Variants in TLK1 observed in about 807,000 individuals in gnomAD.
TLK1 encodes the protein serine/threonine-protein kinase tousled-like 1.
TLK1 carries 24 observed loss-of-function variants against 105.3 expected under a neutral mutation model. The observed-to-expected ratio is 0.23, with a 90% CI of 0.17 to 0.32. The LOEUF is 0.32. Among genes scored for constraint, TLK1 ranks in the 10% least tolerant of loss-of-function variants. TLK1 has a pLI of 1.00. For missense variants in TLK1, 558 were observed against 910.5 expected, an observed-to-expected ratio of 0.61 and a Z score of 4.98; for synonymous variants, 321 against 310.4, an observed-to-expected ratio of 1.03 and a Z score of -0.36.
At chr2:171,143,092 T>C (rs917040825) in intron 1 of TLK1, among the ~76,000 whole-genome samples, 3 of 151,896 alleles carry the variant, frequency 2.0e-5, no homozygotes, top group African/African-American at 4.8e-5. Context: ...AATGAATGAC[T>C]GAATGAAGGA....
chr2:171,200,735 G>C (rs1693382803), intron 1 of TLK1, among the ~76,000 whole-genome samples: 1 of 152,104 alleles, frequency 6.6e-6, no homozygotes, highest in Non-Finnish European at 1.5e-5. Flanking sequence ...TTATTTGGGA[G>C]ATTCATATCA....
At chr2:171,011,213 T>C (rs1684900829) in intron 14 of TLK1, among the ~76,000 whole-genome samples, 160 bp downstream of exon 14, 2 of 151,882 alleles carry the variant, frequency 1.3e-5, no homozygotes, top group African/African-American at 4.8e-5. Flanking sequence ...GTTGCCCAGG[T>C]TGGTCTCAAA....
At position 171,006,282 on chromosome 2, in the gene TLK1, C is replaced by A; in HGVS notation, c.1769G>T (p.Gly590Val). 1 of 1,584,016 alleles carries A rather than the reference C, an allele frequency of 6.3e-7. No homozygotes were observed. Among genetic ancestry groups the A allele is most frequent in the Non-Finnish European group, 8.5e-7 (1 of 1,170,782 alleles). ...TGTTCCATCTACCAGTAGGATGTTT[C>A]CTAAGAATAAAATATAAGATTCTTT... ...PPIIHYDLKP[G>V]NILLVDGTAC... is the part of the protein sequence containing the mutation. Residue 590 changes from glycine (G) to valine (V), a missense_variant and splice_region_variant, in exon 18 of 21, where the codon GGA becomes GTA. By Grantham distance (109) the Gly-to-Val change is moderately radical. This residue lies in a region of TLK1 where 218 missense variants were observed against 492.9 expected (regional missense o/e 0.44). Coordinates refer to ENST00000431350, the MANE Select transcript of TLK1 (RefSeq NM_012290.5).
intron 1 of TLK1, among the ~76,000 whole-genome samples, chr2:171,149,190 G>C (rs1254851465): frequency 7.1e-6 from 1 of 140,970 alleles, no homozygotes; most frequent in East Asian, 2.0e-4. Context: ...GGACAACAGA[G>C]CAAGACCCTG....
At chr2:171,106,694 T>C (rs994022356) in intron 2 of TLK1, among the ~76,000 whole-genome samples, 8 of 152,010 alleles carry the variant, frequency 5.3e-5, no homozygotes, top group African/African-American at 1.9e-4. Flanking sequence ...TACTTCCAAA[T>C]TACAAACTCT....
chr2:171,227,940 C>G (rs1261612386), intron 1 of TLK1, among the ~76,000 whole-genome samples: 2 of 152,178 alleles, frequency 1.3e-5, no homozygotes, highest in African/African-American at 2.4e-5. Flanking sequence ...CTTTGGAAAG[C>G]TGAGGCAGGT....
At chr2:171,043,453 C>G (rs77494527) in intron 11 of TLK1, among the ~76,000 whole-genome samples, 1 of 152,126 alleles carries the variant, frequency 6.6e-6, no homozygotes, top group African/African-American at 2.4e-5. Context: ...TGGGTTAGAT[C>G]ATTCAAGTAC....
upstream of TLK1, among the ~76,000 whole-genome samples, chr2:171,164,466 C>T (rs556730718): frequency 5.3e-5 from 8 of 151,976 alleles, no homozygotes; most frequent in South Asian, 6.2e-4. Context: ...CTAGCCTGGG[C>T]GACATGATGA....
At chr2:171,187,726 C>T (rs945810440) in intron 1 of TLK1, among the ~76,000 whole-genome samples, 1 of 152,136 alleles carries the variant, frequency 6.6e-6, no homozygotes, top group Admixed American at 6.5e-5. Context: ...TGTCTGCCTG[C>T]GTCTGCTAGA....
intron 12 of TLK1, among the ~76,000 whole-genome samples, chr2:171,019,091 A>G (rs1178699346): frequency 6.6e-6 from 1 of 152,024 alleles, no homozygotes; most frequent in East Asian, 1.9e-4. Flanking sequence ...AACTTGCAAA[A>G]AACACCACCT....
chr2:171,159,554 C>T (rs1692368703), intron 1 of TLK1: 1 of 152,232 alleles, frequency 6.6e-6, no homozygotes. Flanking sequence ...TCCCACAAAA[C>T]CCACGACCCT....
At chr2:171,010,445 C>A (rs1029273632) in intron 14 of TLK1, among the ~76,000 whole-genome samples, 12 of 152,192 alleles carry the variant, frequency 7.9e-5, no homozygotes, top group African/African-American at 2.6e-4. Flanking sequence ...TACAAACATA[C>A]TTTGAGGTAT....
intron 1 of TLK1, among the ~76,000 whole-genome samples, chr2:171,157,611 A>T (rs562667675): frequency 2.0e-5 from 3 of 152,354 alleles, no homozygotes; most frequent in Admixed American, 6.5e-5. Context: ...TGTGAATATG[A>T]TAATGGTAAT....
Position 171,081,642 on chromosome 2 carries a change from C to G in TLK1, c.330+1139G>C, listed in dbSNP as rs554962715. The G allele has an allele frequency of 5.4e-4, 708 of 1,303,764 alleles. 1 individual carries two copies. Among genetic ancestry groups the G allele is most frequent in the Non-Finnish European group, 6.6e-4 (655 of 988,786 alleles). 80.8% of individuals were successfully genotyped at this position (1,303,764 alleles called of 1,614,324 possible). The stretch of plus-strand genomic sequence containing the variant: ...CTACAGGGGCTACTAACGCTTACCT[C>G]AAGGGAACCTACTGCAGATAAAGTC... On this transcript the variant is annotated intron_variant, in intron 3 of 20. Coordinates refer to ENST00000431350, the MANE Select transcript of TLK1 (RefSeq NM_012290.5).
At chr2:171,224,232 C>G (rs1453765172) in intron 1 of TLK1, among the ~76,000 whole-genome samples, 1 of 152,080 alleles carries the variant, frequency 6.6e-6, no homozygotes, top group Non-Finnish European at 1.5e-5. Flanking sequence ...GATCTTGGCA[C>G]TGTTGTAAAA....
rs757069932 is a variant in TLK1 at position 171,160,259 on chromosome 2, C to A, written c.139+31G>T. The A allele has an allele frequency of 8.1e-6, 12 of 1,475,360 alleles. No homozygotes were observed. The East Asian group carries it at 3.1e-4, about 39-fold the overall frequency. The allele number at this position is 1,475,360 out of a possible 1,614,324, so 91.4% of individuals were successfully genotyped here. ...GGTCCGCGGCGCGGGAGAGGAGGCC[C>A]GCGAGCGGGCGCGGGCGCGGCGGTG... On this transcript the variant is annotated intron_variant, in intron 1 of 20. Coordinates refer to ENST00000431350, the MANE Select transcript of TLK1 (RefSeq NM_012290.5). The surrounding 1 kb of genome is among the most constrained non-coding windows in gnomAD (Gnocchi z 4.4).
At chr2:171,117,412 T>C (rs961929315) in intron 2 of TLK1, among the ~76,000 whole-genome samples, 3 of 152,108 alleles carry the variant, frequency 2.0e-5, no homozygotes, top group African/African-American at 7.2e-5. Flanking sequence ...CTATTAAAGT[T>C]TTATGCAGCA....
intron 20 of TLK1, among the ~76,000 whole-genome samples, chr2:170,994,218 T>C (rs1462621013): frequency 6.6e-6 from 1 of 152,244 alleles, no homozygotes; most frequent in Non-Finnish European, 1.5e-5. Context: ...AAGTTGTTTC[T>C]GCTTACGAAA....
intron 1 of TLK1, among the ~76,000 whole-genome samples, chr2:171,148,359 T>A (rs771902824): frequency 2.6e-5 from 4 of 152,056 alleles, no homozygotes; most frequent in Non-Finnish European, 4.4e-5. Flanking sequence ...GTATAGGGAT[T>A]AGAAGTGTGG....
Sources: gnomAD v4.1 joint callset for allele counts (sites outside exome capture counted in the v4.1 genomes callset) on GRCh38, gnomAD v4.1.1 for gene constraint, gnomAD v4.1.1 regional missense constraint, Gnocchi (gnomAD v3.1) non-coding constraint, MANE v1.5 for transcripts, NCBI Gene and HGNC (gene_info 2026-07-23, HGNC 2026-07-21) for gene names.